PAK1IP1: variants seen among roughly 807,000 people sequenced by gnomAD.
The protein encoded by PAK1IP1 is PAK1 interacting protein 1, also known as p21-activated protein kinase-interacting protein 1.
PAK1IP1 carries 24 observed loss-of-function variants against 42.0 expected under a neutral mutation model. That is an observed-to-expected ratio of 0.57 (90% CI 0.41 to 0.80). The LOEUF (loss-of-function observed/expected upper bound fraction) is 0.80. PAK1IP1 is among the 30% of genes least tolerant of loss of function. The probability of loss-of-function intolerance (pLI) is 0.00; values close to 1 mark genes in which losing one functional copy is unlikely to be tolerated. For synonymous variants in PAK1IP1, 154 were observed against 156.7 expected, an observed-to-expected ratio of 0.98 and a Z score of 0.13; for missense variants, 411 against 467.9, an observed-to-expected ratio of 0.88 and a Z score of 1.12.
In PAK1IP1 at chr6:10,708,354, A is replaced by G. The variant is rs116639103; in HGVS notation, c.841-599A>G. 5.5e-3 allele frequency among the ~76,000 whole-genome samples: 844 copies of G among 152,102 alleles called. 7 individuals are homozygous for G. Among genetic ancestry groups the G allele is most frequent in the African/African-American group, 0.019 (804 of 41,490 alleles). ...TTTCTAAGGTTCATCATGTTATAGC[A>G]TATGTTAGTACTTCACTACTTTTTA... On this transcript the variant is annotated intron_variant, in intron 8 of 9. Transcript: ENST00000379568.
intron 7 of PAK1IP1, among the ~76,000 whole-genome samples, chr6:10,705,945 T>G (rs907916274): frequency 6.6e-6 from 1 of 152,220 alleles, no homozygotes; most frequent in African/African-American, 2.4e-5. Flanking sequence ...CCATTCCAGA[T>G]GTACTAATAA....
At chr6:10,698,611 G>T (rs1251947866) in intron 2 of PAK1IP1, among the ~76,000 whole-genome samples, 5 of 152,042 alleles carry the variant, frequency 3.3e-5, no homozygotes, top group African/African-American at 1.2e-4. Flanking sequence ...AGGGAGGGAG[G>T]GAGCAAGCTA....
At chr6:10,698,597 T>G (rs1769930243) in intron 2 of PAK1IP1, among the ~76,000 whole-genome samples, 3 of 141,284 alleles carry the variant, frequency 2.1e-5, no homozygotes, top group Non-Finnish European at 3.1e-5. Flanking sequence ...GAGACTGAAT[T>G]GGGAGGGAGG....
intron 5 of PAK1IP1, 61 bp downstream of exon 5, chr6:10,703,518 C>A: frequency 7.8e-7 from 1 of 1,280,634 alleles, no homozygotes; most frequent in Non-Finnish European, 1.1e-6. Context: ...TGAAATGCTC[C>A]AAAATCTGAA....
At chr6:10,708,853 T>C in intron 8 of PAK1IP1, 100 bp from the exon 9 acceptor site, 1 of 957,446 alleles carries the variant, frequency 1.0e-6, no homozygotes, top group Non-Finnish European at 1.6e-6. Context: ...TCATATTTTG[T>C]ACTCAAGAAA....
rs569689711 is a variant in PAK1IP1, at chr6:10,702,593, C to G, written c.397C>G (p.Pro133Ala). 1.9e-6 allele frequency: 3 copies of G among 1,613,794 alleles called. No homozygotes were observed. The South Asian group carries it at 3.3e-5, about 18-fold the overall frequency. Residue 133 changes from proline to alanine, a missense_variant, in exon 4 of 10, where the codon CCA (proline) becomes GCA (alanine). By Grantham distance (27) the Pro-to-Ala change is conservative. Coordinates refer to ENST00000379568, the MANE Select transcript of PAK1IP1 (RefSeq NM_017906.3). Reference protein sequence around the residue: ...KGQVTFLSIHPSGKLALSVGT... With the variant: ...KGQVTFLSIHASGKLALSVGT... ...ACAGGTGACCTTCCTTTCTATTCACCCATCTGGCAAGTTGGCCCTGTCGGT... is the reference window on the plus strand; with the variant it reads ...ACAGGTGACCTTCCTTTCTATTCACGCATCTGGCAAGTTGGCCCTGTCGGT...
chr6:10,694,260 C>CAAAAAAAAAAA (rs57435593), upstream of PAK1IP1, among the ~76,000 whole-genome samples: 97 of 62,452 alleles, frequency 1.6e-3, 3 homozygotes, highest in African/African-American at 5.2e-3. Context: ...AACTCCGTCT[C>CAAAAAAAAAAA]AAAAAAAAAA....
rs138634984 is a variant in PAK1IP1, at chr6:10,709,287, G to T, written c.1014G>T (p.Val338=). 21 of 1,614,004 alleles carry T rather than the reference G, an allele frequency of 1.3e-5. No homozygotes were observed. The African/African-American group carries it at 2.8e-4, about 22-fold the overall frequency. ...GCAAAAAGGAGCCTGGTGACACAGT[G>T]CACAAAGAAGAAAAGCGGTCAAAAC... ...KIGKKEPGDT[V]HKEEKRSKPN... Residue 338 remains valine, a synonymous_variant, in exon 10 of 10, where the codon GTG becomes GTT. Transcript: ENST00000379568.
At chr6:10,706,093 A>AG (rs1770196341) in intron 7 of PAK1IP1, among the ~76,000 whole-genome samples, 1 of 152,208 alleles carries the variant, frequency 6.6e-6, no homozygotes, top group Admixed American at 6.5e-5. Flanking sequence ...TAAGGAGGCA[A>AG]TAGATTATAA....
intron 2 of PAK1IP1, among the ~76,000 whole-genome samples, chr6:10,700,820 T>C (rs1770004729): frequency 6.6e-6 from 1 of 152,180 alleles, no homozygotes; most frequent in South Asian, 2.1e-4. Flanking sequence ...TTTTCTTTTT[T>C]CTTTTTTTCC....
chr6:10,700,981 G>A (rs1451562132), intron 2 of PAK1IP1, among the ~76,000 whole-genome samples: 3 of 151,942 alleles, frequency 2.0e-5, no homozygotes, highest in East Asian at 1.9e-4. Context: ...TCTCCTTCCC[G>A]CAACCCTTCC....
At chr6:10,697,085 T>TC (rs781317081) in intron 1 of PAK1IP1, among the ~76,000 whole-genome samples, 12 of 152,236 alleles carry the variant, frequency 7.9e-5, no homozygotes, top group Admixed American at 7.9e-4. Context: ...CCTGCCCACC[T>TC]CCTTGCTTTA....
rs549010910 is a variant in PAK1IP1 at position 10,706,169 on chromosome 6, T to C, written c.741-1246T>C. ...AGTGATTAAAGATTAACAAGGGTAA[T>C]TGGTTTAGATAGGATGATGAGGGAA... On this transcript the variant is annotated intron_variant, in intron 7 of 9. Coordinates refer to ENST00000379568, the MANE Select transcript of PAK1IP1 (RefSeq NM_017906.3). 8.6e-5 allele frequency among the ~76,000 whole-genome samples: 13 copies of C among 151,958 alleles called. No individual in the cohort carries two copies. In the South Asian group the frequency reaches 2.7e-3, roughly 32 times the overall value.
At chr6:10,708,647 C>T (rs1179057263) in intron 8 of PAK1IP1, among the ~76,000 whole-genome samples, 1 of 151,622 alleles carries the variant, frequency 6.6e-6, no homozygotes, top group African/African-American at 2.4e-5. Context: ...CGTCATTTAA[C>T]ATTAGGTGTA....
At chr6:10,697,510 A>G (rs1166274344) in intron 2 of PAK1IP1, 24 bp downstream of exon 2, 5 of 1,548,724 alleles carry the variant, frequency 3.2e-6, no homozygotes, top group Non-Finnish European at 4.4e-6. Flanking sequence ...ATCCCTTAAG[A>G]TGAGAACATA....
At chr6:10,703,951 A>G (rs1770122275) in intron 5 of PAK1IP1, among the ~76,000 whole-genome samples, 1 of 151,944 alleles carries the variant, frequency 6.6e-6, no homozygotes, top group African/African-American at 2.4e-5. Flanking sequence ...ATTTTAGACT[A>G]GATTCTTTTT....
At position 10,709,514 on chromosome 6, in the gene PAK1IP1, A is replaced by ATT. The variant is rs35359146; in HGVS notation, c.*73_*74dup. Reference sequence around the variant, plus strand: ...AATCATTCTACTCAAATGTACCTTAATTTTTTTTTTTTCCCTGAGTAAAAG... The same window carrying ATT: ...AATCATTCTACTCAAATGTACCTTAATTTTTTTTTTTTTTCCCTGAGTAAAAG... On this transcript the variant is annotated 3_prime_UTR_variant, in exon 10 of 10. Coordinates refer to ENST00000379568, the MANE Select transcript of PAK1IP1 (RefSeq NM_017906.3). The ATT allele has an allele frequency of 1.1e-3, 963 of 907,030 alleles. No individual in the cohort carries two copies. In the African/African-American group the frequency reaches 0.013, roughly 12 times the overall value. 56.2% of individuals were successfully genotyped at this position (907,030 alleles called of 1,614,324 possible).
chr6:10,700,934 A>G lies in PAK1IP1; in HGVS notation c.248-1435A>G, dbSNP rs112615431. On this transcript the variant is annotated intron_variant, in intron 2 of 9. Coordinates refer to ENST00000379568, the MANE Select transcript of PAK1IP1 (RefSeq NM_017906.3). ...TTACAGATCATCCCATCACCTAGGT[A>G]TTAAGCCCAGCATCCATTAGCTGTT... 5.3e-3 allele frequency among the ~76,000 whole-genome samples: 800 copies of G among 152,164 alleles called. 6 individuals carry two copies. Among genetic ancestry groups the G allele is most frequent in the African/African-American group, 0.018 (758 of 41,500 alleles).
chr6:10,696,797 G>C (rs996538397), intron 1 of PAK1IP1, among the ~76,000 whole-genome samples: 1 of 152,232 alleles, frequency 6.6e-6, no homozygotes, highest in Non-Finnish European at 1.5e-5. Flanking sequence ...AGCTGGGCAT[G>C]ATGGCAAGTG....
Sources: allele counts gnomAD v4.1 joint callset (sites outside exome capture counted in the v4.1 genomes callset), GRCh38; gene constraint gnomAD v4.1.1; transcripts MANE v1.5; gene names NCBI Gene and HGNC (gene_info 2026-07-23, HGNC 2026-07-21).